Variants in MSANTD4 observed in about 807,000 individuals in gnomAD.
The protein encoded by MSANTD4 is myb/SANT-like DNA-binding domain-containing protein 4.
A neutral mutation model predicts 34.3 loss-of-function variants in MSANTD4; 13 were observed. The ratio of observed to expected loss-of-function variants is 0.38; its 90% CI spans 0.25 to 0.60. The LOEUF (loss-of-function observed/expected upper bound fraction) is 0.60. MSANTD4 is among the 20% of genes least tolerant of loss of function. MSANTD4 has a pLI of 0.63. For missense variants in MSANTD4, 358 were observed against 401.8 expected (o/e 0.89, Z 0.93); for synonymous variants, 137 against 145.2 (o/e 0.94, Z 0.41).
Position 106,009,537 on chromosome 11 carries a change from A to C in MSANTD4, c.1036T>G (p.Ter346GlyextTer7). The change falls in exon 3 of 3, where the codon TGA becomes GGA. Residue 346 changes from the stop codon to glycine, a stop_lost. Coordinates refer to ENST00000301919, the MANE Select transcript of MSANTD4 (RefSeq NM_032424.3). ...LRIQKEGHLQ[*>G] Reference sequence around the variant, plus strand: ...TGCTAAATGGAAGCCTGGAAAAATCACTGCAAGTGTCCTTCTTTCTGAATT... The same window carrying C: ...TGCTAAATGGAAGCCTGGAAAAATCCCTGCAAGTGTCCTTCTTTCTGAATT... The C allele has an allele frequency of 6.3e-7, 1 of 1,581,684 alleles. No homozygotes were observed. The highest frequency in any genetic ancestry group is 8.6e-7 in the Non-Finnish European group (1 of 1,165,376).
chr11:106,011,496 T>A (rs1240669010), intron 1 of MSANTD4, among the ~76,000 whole-genome samples: 1 of 152,222 alleles, frequency 6.6e-6, no homozygotes, highest in Non-Finnish European at 1.5e-5. Context: ...TTCCTCCTCA[T>A]CCTTTAGCTT....
chr11:106,017,581 A>G (rs1190778514), intron 1 of MSANTD4, among the ~76,000 whole-genome samples: 2 of 152,198 alleles, frequency 1.3e-5, no homozygotes, highest in East Asian at 3.8e-4. Context: ...TCTACCACCA[A>G]TGTAACTACT....
At chr11:106,016,224 T>C (rs898327030) in intron 1 of MSANTD4, among the ~76,000 whole-genome samples, 5 of 152,226 alleles carry the variant, frequency 3.3e-5, no homozygotes, top group Non-Finnish European at 7.3e-5. Flanking sequence ...TCCTATGTAA[T>C]TCAAATTATC....
rs1288980774 is a variant in MSANTD4, at chr11:106,018,866, T to C, written c.-151+2096A>G. Reference sequence around the variant, plus strand: ...CTTGAGAACCAAATTTTCTTCTAAGTAGAATGTCTTTAGACCCCTATCCAT... The same window carrying C: ...CTTGAGAACCAAATTTTCTTCTAAGCAGAATGTCTTTAGACCCCTATCCAT... On this transcript the variant is annotated intron_variant, in intron 1 of 2. Coordinates refer to ENST00000301919, the MANE Select transcript of MSANTD4 (RefSeq NM_032424.3). Among the ~76,000 whole-genome samples, 6 of 152,206 alleles carry C rather than the reference T, an allele frequency of 3.9e-5. No homozygotes were observed. The East Asian group carries it at 1.2e-3, about 29-fold the overall frequency.
chr11:106,010,028 T>G lies in MSANTD4; in HGVS notation c.545A>C (p.His182Pro), dbSNP rs769322787. The G allele has an allele frequency of 1.2e-6, 2 of 1,603,206 alleles. No individual in the cohort carries two copies. Among genetic ancestry groups the G allele is most frequent in the Non-Finnish European group, 1.7e-6 (2 of 1,179,790 alleles). ...GTTAAGGGTAAAAAACTCATCAATG[T>G]GGGGGAAATCGGGAAGTTCATTTTC... ...RRENELPDFP[H>P]IDEFFTLNST... The change falls in exon 3 of 3, where the codon CAC (histidine) becomes CCC (proline). Residue 182 changes from histidine to proline, a missense_variant. His to Pro is a moderately conservative substitution (Grantham distance 77). Coordinates refer to ENST00000301919, the MANE Select transcript of MSANTD4 (RefSeq NM_032424.3).
intron 1 of MSANTD4, among the ~76,000 whole-genome samples, chr11:106,011,655 T>C (rs1038923624): frequency 6.6e-6 from 1 of 152,124 alleles, no homozygotes; most frequent in Non-Finnish European, 1.5e-5. Context: ...CACTGCAAAG[T>C]TTCACAAGGG....
At chr11:106,016,262 C>T (rs1939810) in intron 1 of MSANTD4, among the ~76,000 whole-genome samples, 84,956 of 152,016 alleles carry the variant, frequency 0.56, 24,220 homozygotes, top group Non-Finnish European at 0.62. Flanking sequence ...ATTCAGCTTT[C>T]CTCTAGAGGT....
intron 1 of MSANTD4, 28 bp downstream of exon 1, chr11:106,020,934 G>A (rs950043738): frequency 2.0e-5 from 3 of 152,156 alleles, no homozygotes; most frequent in Admixed American, 2.0e-4. Context: ...TGCATCTTGA[G>A]TTGTTGAAGT....
rs1304914852 is a variant in MSANTD4, at chr11:106,009,584, T to C, written c.989A>G (p.Gln330Arg). 1 of 1,613,930 alleles carries C rather than the reference T, an allele frequency of 6.2e-7. No individual in the cohort carries two copies. Among genetic ancestry groups the C allele is most frequent in the Non-Finnish European group, 8.5e-7 (1 of 1,179,950 alleles). The change falls in exon 3 of 3, where the codon CAG becomes CGG. Residue 330 changes from glutamine (Q) to arginine (R), a missense_variant. Physicochemically the swap from Gln to Arg is conservative, Grantham distance 43. This residue lies in a region of MSANTD4 where 312 missense variants were observed against 317.6 expected (regional missense o/e 0.98). Coordinates refer to ENST00000301919, the MANE Select transcript of MSANTD4 (RefSeq NM_032424.3). ...EKLQIEKERLQVEKDRLRIQK... is the reference protein window; with the variant it reads ...EKLQIEKERLRVEKDRLRIQK... ...AATTCGAAGTCTGTCTTTCTCTACC[T>C]GTAAGCGTTCCTTTTCAATCTGCAG...
intron 1 of MSANTD4, among the ~76,000 whole-genome samples, chr11:106,015,271 T>A (rs1003790713): frequency 1.3e-5 from 2 of 152,204 alleles, no homozygotes; most frequent in Non-Finnish European, 2.9e-5. Flanking sequence ...CCTAGCTGTG[T>A]GGCCTCAGTT....
intron 1 of MSANTD4, among the ~76,000 whole-genome samples, chr11:106,012,049 T>A (rs1859709940): frequency 1.4e-5 from 2 of 143,556 alleles, no homozygotes; most frequent in African/African-American, 2.6e-5. Context: ...ATTAAAGGGG[T>A]AACAAAAAAA....
chr11:106,016,075 C>G (rs1859836764), intron 1 of MSANTD4, among the ~76,000 whole-genome samples: 1 of 152,136 alleles, frequency 6.6e-6, no homozygotes, highest in East Asian at 1.9e-4. Flanking sequence ...CCAGGCTGGT[C>G]TTGAACTTTT....
intron 1 of MSANTD4, among the ~76,000 whole-genome samples, chr11:106,017,765 C>T (rs1859895331): frequency 6.6e-6 from 1 of 152,014 alleles, no homozygotes; most frequent in African/African-American, 2.4e-5. Flanking sequence ...TTACTGAAAA[C>T]AGAGAAATGA....
chr11:106,010,144 G>T, intron 2 of MSANTD4, 34 bp from the exon 3 acceptor site: 1 of 1,497,214 alleles, frequency 6.7e-7, no homozygotes, highest in Middle Eastern at 1.8e-4. Flanking sequence ...TTTCAGTATT[G>T]ACTTCTACTT....
At chr11:106,011,378 C>G (rs1422687490) in intron 1 of MSANTD4, among the ~76,000 whole-genome samples, 1 of 152,172 alleles carries the variant, frequency 6.6e-6, no homozygotes, top group Non-Finnish European at 1.5e-5. Flanking sequence ...GCCACCTATT[C>G]CTGTCAAACT....
chr11:106,018,435 A>C (rs1859924370), intron 1 of MSANTD4, among the ~76,000 whole-genome samples: 1 of 152,172 alleles, frequency 6.6e-6, no homozygotes, highest in Admixed American at 6.6e-5. Context: ...CCCATCTCTG[A>C]CCAATTAAAA....
intron 1 of MSANTD4, among the ~76,000 whole-genome samples, chr11:106,018,766 C>T (rs1859936506): frequency 6.6e-6 from 1 of 152,126 alleles, no homozygotes; most frequent in Non-Finnish European, 1.5e-5. Context: ...ATTCACACTC[C>T]TATTTGTTGG....
chr11:106,010,511 C>A lies in MSANTD4; in HGVS notation c.407G>T (p.Gly136Val), dbSNP rs1330415667. Residue 136 changes from glycine to valine, a missense_variant, in exon 2 of 3, where the codon GGA becomes GTA. Coordinates refer to ENST00000301919, the MANE Select transcript of MSANTD4 (RefSeq NM_032424.3). ...TTCCACCTTGACCTCAGTTAAGGAT[C>A]CACCTGCATCCCTGAAATCTGCCAC... The part of the protein sequence containing the change: ...QNVADFRDAG[G>V]SLTEVKVEEE... 1 of 1,614,126 alleles carries A rather than the reference C, an allele frequency of 6.2e-7. No homozygotes were observed. The highest frequency in any genetic ancestry group is 1.3e-5 in the African/African-American group (1 of 75,034).
intron 1 of MSANTD4, 131 bp downstream of exon 1, chr11:106,020,831 A>C (rs1341162571): frequency 6.6e-6 from 1 of 152,212 alleles, no homozygotes; most frequent in Non-Finnish European, 1.5e-5. Context: ...ATTGGGATGC[A>C]CCTTAGATAC....
Sources: gnomAD v4.1 joint callset for allele counts (sites outside exome capture counted in the v4.1 genomes callset) on GRCh38, gnomAD v4.1.1 for gene constraint, gnomAD v4.1.1 regional missense constraint, MANE v1.5 for transcripts, NCBI Gene and HGNC (gene_info 2026-07-23, HGNC 2026-07-21) for gene names.